Variants in POP1 observed in about 807,000 individuals in gnomAD.
POP1 encodes POP1 ribonuclease P/MRP subunit.
In POP1, 75 loss-of-function variants were observed where a neutral mutation model predicts 102.2. The observed-to-expected ratio is 0.73, with a 90% confidence interval of 0.61 to 0.89. The LOEUF is 0.89. Among genes scored for constraint, POP1 ranks in the 40% least tolerant of loss-of-function variants. POP1 has a pLI of 0.00. For missense variants in POP1, 1,116 were observed against 1,267.4 expected (o/e 0.88, Z 1.81); for synonymous variants, 436 against 464.1 (o/e 0.94, Z 0.78).
In POP1 at chr8:98,136,709, GA is replaced by G; in HGVS notation, c.1240del (p.Ile414SerfsTer8). ...TRDPCLPYSWISPTTGIIISD... is the reference protein window; with the variant it reads ...TRDPCLPYSWXSPTTGIIISD... ...GAGATCCATGTCTACCATACTCTTG[GA>G]TCTCTCCAACCACAGGCATTATAAT... On this transcript the variant is annotated frameshift_variant, in exon 8 of 16. Transcript: ENST00000401707. LOFTEE classifies it high-confidence loss of function. 1 of 1,613,912 alleles carries G rather than the reference GA, an allele frequency of 6.2e-7. No individual in the cohort carries two copies. The highest frequency in any genetic ancestry group is 8.5e-7 in the Non-Finnish European group (1 of 1,179,834).
intron 15 of POP1, among the ~76,000 whole-genome samples, chr8:98,157,049 A>G (rs950385079): frequency 4.6e-5 from 7 of 151,738 alleles, no homozygotes; most frequent in Non-Finnish European, 1.0e-4. Context: ...CTACAGGTAC[A>G]TGCCACCACG....
Position 98,146,478 on chromosome 8 carries a change from T to G in POP1, c.1595-90T>G. ...TAAGTAAATGCCTATGAAATATTGT[T>G]TTGTAACAAAAGGCCTATTGCCAAT... On this transcript the variant is annotated intron_variant, in intron 11 of 15. Transcript: ENST00000401707. 3 of 898,396 alleles carry G rather than the reference T, an allele frequency of 3.3e-6. No homozygotes were observed. The South Asian group carries it at 4.0e-5, about 12-fold the overall frequency. The allele number at this position is 898,396 out of a possible 1,614,324, so 55.7% of individuals were successfully genotyped here. A position where few individuals can be genotyped will look rare whatever the true frequency, so the allele number is the denominator to read the frequency against.
rs200526848 is a variant in POP1 at position 98,134,027 on chromosome 8, A to C, written c.814A>C (p.Ile272Leu). 1 of 1,607,522 alleles carries C rather than the reference A, an allele frequency of 6.2e-7. No individual in the cohort carries two copies. The highest frequency in any genetic ancestry group is 1.7e-5 in the Admixed American group (1 of 59,998). The change falls in exon 6 of 16, where the codon ATA becomes CTA. Residue 272 changes from isoleucine (I) to leucine (L), a missense_variant. Transcript: ENST00000401707. ...ILKALSGMCN[I>L]DTGLTFAAVH... ...AAAGGCGCTTTCTGGAATGTGTAAC[A>C]TAGACACAGGTAAACTTGTTTTAAA...
chr8:98,119,922 A>G (rs373818807), intron 1 of POP1, among the ~76,000 whole-genome samples: 45 of 152,268 alleles, frequency 3.0e-4, no homozygotes, highest in South Asian at 2.7e-3. Context: ...GATGCATCCT[A>G]TATTCATTCC....
At chr8:98,117,547 G>A (rs1586220944) in intron 1 of POP1, among the ~76,000 whole-genome samples, 157 bp downstream of exon 1, 1 of 152,172 alleles carries the variant, frequency 6.6e-6, no homozygotes, top group East Asian at 1.9e-4. Flanking sequence ...CCCTCTCCCT[G>A]GTGTCGCATC....
At position 98,136,668 on chromosome 8, in the gene POP1, A is replaced by G. The variant is rs1435276124; in HGVS notation, c.1198A>G (p.Ile400Val). 2.1e-5 allele frequency: 34 copies of G among 1,612,930 alleles called. No homozygotes were observed. Among genetic ancestry groups the G allele is most frequent in the Non-Finnish European group, 2.8e-5 (33 of 1,178,914 alleles). The change falls in exon 8 of 16, where the codon ATC (isoleucine) becomes GTC (valine). Residue 400 changes from isoleucine (I) to valine (V), a missense_variant. Transcript: ENST00000401707. ...AAATGCTAAACCAATTAAAAAAATTATCGGTGATGGAACTAGAGATCCATG... is the reference window on the plus strand; with the variant it reads ...AAATGCTAAACCAATTAAAAAAATTGTCGGTGATGGAACTAGAGATCCATG... ...GENAKPIKKI[I>V]GDGTRDPCLP... is the part of the protein sequence containing the mutation.
intron 2 of POP1, among the ~76,000 whole-genome samples, chr8:98,126,263 C>T (rs183062455): frequency 2.1e-4 from 32 of 152,156 alleles, no homozygotes; most frequent in Non-Finnish European, 3.5e-4. Flanking sequence ...AAGGGAGTGT[C>T]GTTTGGGCTG....
chr8:98,156,165 C>T lies in POP1; in HGVS notation c.2173C>T (p.Pro725Ser). ...GTCAAGAGTCCAGGCTTACGAAGAA[C>T]CTTCTGTAGCTTCATCTCCAAATGG... ...WESRVQAYEE[P>S]SVASSPNGKE... The change falls in exon 15 of 16, where the codon CCT (proline) becomes TCT (serine). Residue 725 changes from proline to serine, a missense_variant. Coordinates refer to ENST00000401707, the MANE Select transcript of POP1 (RefSeq NM_001145860.2). 6.2e-7 allele frequency: 1 copy of T among 1,614,044 alleles called. No individual in the cohort carries two copies. The highest frequency in any genetic ancestry group is 8.5e-7 in the Non-Finnish European group (1 of 1,180,016).
At chr8:98,122,012 A>G (rs1816042528) in intron 1 of POP1, among the ~76,000 whole-genome samples, 1 of 151,814 alleles carries the variant, frequency 6.6e-6, no homozygotes, top group Non-Finnish European at 1.5e-5. Flanking sequence ...TATTTCTAGT[A>G]GAGATGGGGT....
intron 11 of POP1, among the ~76,000 whole-genome samples, chr8:98,143,919 C>T (rs573060577): frequency 2.6e-4 from 39 of 152,006 alleles, no homozygotes; most frequent in Admixed American, 2.0e-3. Flanking sequence ...TTTGGGAGGC[C>T]AAGGCGGGCA....
chr8:98,118,060 C>G (rs1815897062), intron 1 of POP1, among the ~76,000 whole-genome samples: 1 of 152,190 alleles, frequency 6.6e-6, no homozygotes, highest in South Asian at 2.1e-4. Flanking sequence ...AATAAAATCT[C>G]TGCCTTCCCT....
intron 1 of POP1, 40 bp downstream of exon 1, chr8:98,117,430 T>A (rs999395199): frequency 3.1e-6 from 1 of 323,166 alleles, no homozygotes; most frequent in Non-Finnish European, 5.9e-6. Flanking sequence ...GATGCGAGTG[T>A]CGGGGGAACT....
chr8:98,131,032 A>T (rs563309376), intron 5 of POP1, among the ~76,000 whole-genome samples: 3 of 152,382 alleles, frequency 2.0e-5, no homozygotes, highest in Non-Finnish European at 4.4e-5. Context: ...TTTGAAAGCC[A>T]TTACTATTGG....
intron 11 of POP1, among the ~76,000 whole-genome samples, chr8:98,141,114 A>G (rs1816691743): frequency 6.6e-6 from 1 of 151,620 alleles, no homozygotes; most frequent in African/African-American, 2.4e-5. Context: ...TGTTCATTTT[A>G]TTTTCCGAGT....
chr8:98,123,606 G>A lies in POP1; in HGVS notation c.142+127G>A, dbSNP rs539871918. 1.0e-3 allele frequency: 784 copies of A among 761,390 alleles called. 3 individuals are homozygous for A. The highest frequency in any genetic ancestry group is 4.9e-3 in the South Asian group (315 of 64,390). 47.2% of individuals were successfully genotyped at this position (761,390 alleles called of 1,614,324 possible). On this transcript the variant is annotated intron_variant, in intron 2 of 15. Transcript: ENST00000401707. ...ATCCTGGCCAACATGGTGAAACCCC[G>A]TCTCTACTAAAAATACAAGAATTAA...
At chr8:98,148,578 A>G (rs1809421682) in intron 12 of POP1, among the ~76,000 whole-genome samples, 1 of 152,264 alleles carries the variant, frequency 6.6e-6, no homozygotes, top group Non-Finnish European at 1.5e-5. Context: ...CAGAATGAAT[A>G]CTGATAATGA....
intron 11 of POP1, among the ~76,000 whole-genome samples, chr8:98,143,371 G>A (rs548171250): frequency 4.4e-4 from 67 of 152,050 alleles, no homozygotes; most frequent in African/African-American, 1.6e-3. Context: ...ATTTTTTAGC[G>A]CAGCTTTAGA....
intron 2 of POP1, among the ~76,000 whole-genome samples, chr8:98,127,061 C>G (rs1243451875): frequency 6.6e-6 from 1 of 152,054 alleles, no homozygotes; most frequent in Non-Finnish European, 1.5e-5. Flanking sequence ...GTGGGCCTGC[C>G]TTCTGGTTCA....
At chr8:98,121,196 A>G (rs940603195) in intron 1 of POP1, among the ~76,000 whole-genome samples, 3 of 152,208 alleles carry the variant, frequency 2.0e-5, no homozygotes, top group African/African-American at 7.2e-5. Context: ...AGGAATTTGA[A>G]CCCACATCTT....
Sources: allele counts gnomAD v4.1 joint callset (sites outside exome capture counted in the v4.1 genomes callset), GRCh38; gene constraint gnomAD v4.1.1; transcripts MANE v1.5; gene names NCBI Gene and HGNC (gene_info 2026-07-23, HGNC 2026-07-21).